Variants in NEDD4L observed in about 807,000 individuals in gnomAD.
NEDD4L encodes the protein E3 ubiquitin-protein ligase NEDD4-like.
In NEDD4L, 54 loss-of-function variants were observed where a neutral mutation model predicts 148.9. The ratio of observed to expected loss-of-function variants is 0.36; its 90% confidence interval spans 0.29 to 0.45. The LOEUF is 0.45. Ranked by LOEUF, NEDD4L falls within the 20% of genes least tolerant of loss-of-function variation. The pLI, the probability that NEDD4L is intolerant of heterozygous loss-of-function variation, is 1.00. For missense variants in NEDD4L, 856 were observed against 1,233.8 expected, an observed-to-expected ratio of 0.69 and a Z score of 4.59; for synonymous variants, 433 against 440.7, an observed-to-expected ratio of 0.98 and a Z score of 0.22.
chr18:58,225,453 C>T (rs905993981), intron 2 of NEDD4L, among the ~76,000 whole-genome samples: 2 of 152,196 alleles, frequency 1.3e-5, no homozygotes, highest in South Asian at 4.1e-4. Context: ...GGGTTTTATC[C>T]GCTTCACAAT....
chr18:58,290,448 T>G (rs1304038791), intron 5 of NEDD4L, among the ~76,000 whole-genome samples: 1 of 152,244 alleles, frequency 6.6e-6, no homozygotes, highest in Non-Finnish European at 1.5e-5. Flanking sequence ...TTGGCAAATG[T>G]GAAGCAGTTA....
intron 4 of NEDD4L, among the ~76,000 whole-genome samples, chr18:58,251,543 ATGTG>A (rs142558960): frequency 6.6e-6 from 1 of 151,172 alleles, no homozygotes; most frequent in Non-Finnish European, 1.5e-5. Flanking sequence ...GTTTGTGTGT[ATGTG>A]TGTGTGTGTG....
intron 5 of NEDD4L, among the ~76,000 whole-genome samples, chr18:58,306,523 A>C (rs1435134530): frequency 2.0e-5 from 3 of 151,994 alleles, no homozygotes; most frequent in Non-Finnish European, 2.9e-5. Flanking sequence ...TTTTCCTTAC[A>C]ACTCTGGTAC....
At chr18:58,329,778 C>T (rs1285352) in intron 10 of NEDD4L, among the ~76,000 whole-genome samples, 1 of 151,684 alleles carries the variant, frequency 6.6e-6, no homozygotes, top group Non-Finnish European at 1.5e-5. Context: ...AGATTACAGG[C>T]GTGAGCCACT....
At chr18:58,355,947 A>G (rs1026597160) in intron 18 of NEDD4L, among the ~76,000 whole-genome samples, 1 of 152,122 alleles carries the variant, frequency 6.6e-6, no homozygotes, top group Non-Finnish European at 1.5e-5. Context: ...AAACAGAATC[A>G]ATATTCTTCC....
At chr18:58,264,693 T>C (rs1367752003) in intron 5 of NEDD4L, among the ~76,000 whole-genome samples, 2 of 152,052 alleles carry the variant, frequency 1.3e-5, no homozygotes, top group Non-Finnish European at 2.9e-5. Context: ...TCTTGTCTTC[T>C]GGCTGTTTTG....
chr18:58,105,279 T>A (rs2085001424), intron 1 of NEDD4L, among the ~76,000 whole-genome samples: 1 of 152,194 alleles, frequency 6.6e-6, no homozygotes, highest in Non-Finnish European at 1.5e-5. Flanking sequence ...GCTGTTTCAC[T>A]TGAGCTCATC....
At chr18:58,145,869 TTGTC>T (rs1283550666) in intron 1 of NEDD4L, among the ~76,000 whole-genome samples, 2 of 152,038 alleles carry the variant, frequency 1.3e-5, no homozygotes, top group Admixed American at 6.6e-5. Flanking sequence ...TTTTTACTCT[TTGTC>T]AGTCAGGTGA....
intron 5 of NEDD4L, among the ~76,000 whole-genome samples, chr18:58,290,448 T>C (rs1304038791): frequency 6.6e-6 from 1 of 152,244 alleles, no homozygotes; most frequent in Non-Finnish European, 1.5e-5. Flanking sequence ...TTGGCAAATG[T>C]GAAGCAGTTA....
intron 5 of NEDD4L, among the ~76,000 whole-genome samples, chr18:58,309,710 A>G (rs1316963750): frequency 2.0e-5 from 3 of 151,302 alleles, no homozygotes; most frequent in Non-Finnish European, 4.4e-5. Flanking sequence ...AAAAAAAAAA[A>G]TGGTGATTCT....
intron 2 of NEDD4L, among the ~76,000 whole-genome samples, chr18:58,187,484 A>T (rs368551858): frequency 6.6e-6 from 1 of 152,196 alleles, no homozygotes; most frequent in Middle Eastern, 3.2e-3. Context: ...TAAAGAAAAA[A>T]TTTAAATCTA....
chr18:58,247,536 G>A (rs1398242392), intron 3 of NEDD4L: 1 of 152,182 alleles, frequency 6.6e-6, no homozygotes, highest in Non-Finnish European at 1.5e-5. Flanking sequence ...TCCTTCCAAA[G>A]GGAGGTCCTC....
intron 1 of NEDD4L, among the ~76,000 whole-genome samples, chr18:58,074,581 T>C (rs2083068315): frequency 6.6e-6 from 1 of 151,716 alleles, no homozygotes; most frequent in Non-Finnish European, 1.5e-5. Flanking sequence ...CCACTAAGAA[T>C]TTTTAAAATA....
chr18:58,228,809 A>G (rs2044697045), intron 2 of NEDD4L, among the ~76,000 whole-genome samples: 1 of 152,218 alleles, frequency 6.6e-6, no homozygotes, highest in Admixed American at 6.5e-5. Flanking sequence ...ATCCACATAC[A>G]ACTTGATATT....
intron 1 of NEDD4L, among the ~76,000 whole-genome samples, chr18:58,102,089 T>G (rs2084787239): frequency 6.6e-6 from 1 of 152,228 alleles, no homozygotes. Context: ...CTGTTTTTCT[T>G]TCCCTGAATG....
At position 58,312,427 on chromosome 18, in the gene NEDD4L, A is replaced by G. The variant is rs542900275; in HGVS notation, c.298-3555A>G. ...AAATCATTAAAAATTGATTTGATTA[A>G]TGCTTTTATAATGTTGGTATGAGGT... On this transcript the variant is annotated intron_variant, in intron 5 of 30. Transcript: ENST00000400345. 3.9e-5 allele frequency among the ~76,000 whole-genome samples: 6 copies of G among 152,290 alleles called. No individual in the cohort carries two copies. In the South Asian group the frequency reaches 1.2e-3, roughly 32 times the overall value.
chr18:58,285,452 C>T (rs1311912501), intron 5 of NEDD4L, among the ~76,000 whole-genome samples: 1 of 152,130 alleles, frequency 6.6e-6, no homozygotes, highest in African/African-American at 2.4e-5. Flanking sequence ...CCTTAGCCTC[C>T]CCAGTAGCTT....
chr18:58,120,016 T>C (rs2086123307), intron 1 of NEDD4L, among the ~76,000 whole-genome samples: 1 of 152,138 alleles, frequency 6.6e-6, no homozygotes, highest in African/African-American at 2.4e-5. Flanking sequence ...TCCTTAATCG[T>C]CTTTGAAGAT....
Position 58,325,075 on chromosome 18 carries a change from G to C in NEDD4L, c.593G>C (p.Gly198Ala). 6.2e-7 allele frequency: 1 copy of C among 1,613,992 alleles called. No homozygotes were observed. Among genetic ancestry groups the C allele is most frequent in the Non-Finnish European group, 8.5e-7 (1 of 1,179,900 alleles). The change falls in exon 9 of 31, where the codon GGG becomes GCG. Residue 198 changes from glycine to alanine, a missense_variant. Physicochemically the swap from Gly to Ala is moderately conservative, Grantham distance 60. Coordinates refer to ENST00000400345, the MANE Select transcript of NEDD4L (RefSeq NM_001144967.3). ...EELPPPPLPP[G>A]WEEKVDNLGR... ...CTTCCTCCTCCTCCTCTGCCTCCCGGGTGGGAAGAAAAAGTGGACAATTTA... is the reference window on the plus strand; with the variant it reads ...CTTCCTCCTCCTCCTCTGCCTCCCGCGTGGGAAGAAAAAGTGGACAATTTA...
Sources: allele counts gnomAD v4.1 joint callset (sites outside exome capture counted in the v4.1 genomes callset), GRCh38; gene constraint gnomAD v4.1.1; transcripts MANE v1.5; gene names NCBI Gene and HGNC (gene_info 2026-07-23, HGNC 2026-07-21).